Variants in TBC1D5 observed in about 807,000 individuals in gnomAD.
TBC1D5 encodes TBC1 domain family member 5.
A neutral mutation model predicts 100.3 loss-of-function variants in TBC1D5; 75 were observed. That is an observed-to-expected ratio of 0.75 (90% CI 0.62 to 0.91). The LOEUF (loss-of-function observed/expected upper bound fraction) is 0.91, where lower values mean the gene tolerates loss of function less well. TBC1D5 is among the 40% of genes least tolerant of loss of function. The pLI is 0.00. For missense variants in TBC1D5, 910 were observed against 942.4 expected (o/e 0.97, Z 0.45); for synonymous variants, 323 against 325.6 (o/e 0.99, Z 0.09).
At chr3:17,466,458 A>G (rs957426109) in intron 3 of TBC1D5, among the ~76,000 whole-genome samples, 3 of 152,238 alleles carry the variant, frequency 2.0e-5, no homozygotes, top group Non-Finnish European at 2.9e-5. Flanking sequence ...TAAGACAGCC[A>G]ATGTGTAAGA....
chr3:17,494,419 C>A (rs1040244069), intron 3 of TBC1D5, among the ~76,000 whole-genome samples: 1 of 152,242 alleles, frequency 6.6e-6, no homozygotes, highest in Non-Finnish European at 1.5e-5. Flanking sequence ...CTTAAAGCAA[C>A]AGTCTGGCTG....
At chr3:17,320,524 T>A (rs1464121654) in intron 13 of TBC1D5, among the ~76,000 whole-genome samples, 16 of 152,238 alleles carry the variant, frequency 1.1e-4, no homozygotes, top group Admixed American at 1.0e-3. Flanking sequence ...CTTTTCTCTC[T>A]TTGGCTACAG....
At chr3:17,246,334 G>A (rs2076734919) in intron 16 of TBC1D5, among the ~76,000 whole-genome samples, 1 of 152,158 alleles carries the variant, frequency 6.6e-6, no homozygotes, top group African/African-American at 2.4e-5. Context: ...ATTCAATAAT[G>A]TTGAAGTTAT....
intron 1 of TBC1D5, among the ~76,000 whole-genome samples, chr3:17,635,871 A>T (rs1432399095): frequency 6.6e-6 from 1 of 152,170 alleles, no homozygotes; most frequent in African/African-American, 2.4e-5. Flanking sequence ...AAATGGAACA[A>T]AAGCTGGGAG....
intron 15 of TBC1D5, among the ~76,000 whole-genome samples, chr3:17,286,100 T>C (rs979061726): frequency 6.6e-6 from 1 of 152,208 alleles, no homozygotes; most frequent in Non-Finnish European, 1.5e-5. Context: ...TGGTAATACA[T>C]GTACTGTATT....
At chr3:17,179,484 T>TG (rs1365173628) in intron 19 of TBC1D5, among the ~76,000 whole-genome samples, 1 of 152,182 alleles carries the variant, frequency 6.6e-6, no homozygotes, top group African/African-American at 2.4e-5. Flanking sequence ...TCAGTTACGA[T>TG]GGGTGCAATA....
At chr3:17,338,135 T>C (rs1231623715) in intron 13 of TBC1D5, among the ~76,000 whole-genome samples, 2 of 152,200 alleles carry the variant, frequency 1.3e-5, no homozygotes, top group African/African-American at 2.4e-5. Context: ...ACTGAAGCAA[T>C]AATTTGTTGT....
chr3:17,663,191 A>G (rs1322286329), intron 1 of TBC1D5: 1 of 152,192 alleles, frequency 6.6e-6, no homozygotes, highest in Non-Finnish European at 1.5e-5. Flanking sequence ...TTAAAACTTT[A>G]TTAGGTATTT....
intron 9 of TBC1D5, among the ~76,000 whole-genome samples, chr3:17,381,761 T>G (rs2092954335): frequency 6.6e-6 from 1 of 151,930 alleles, no homozygotes; most frequent in East Asian, 1.9e-4. Context: ...CCTTTCCTAG[T>G]CTGAGATTAC....
intron 14 of TBC1D5, among the ~76,000 whole-genome samples, chr3:17,294,312 T>C (rs984487410): frequency 6.6e-6 from 1 of 152,160 alleles, no homozygotes; most frequent in Non-Finnish European, 1.5e-5. Context: ...CTGAAACTCC[T>C]GGGCTCATGC....
At chr3:17,642,022 TTGAG>T (rs769008245) in intron 1 of TBC1D5, among the ~76,000 whole-genome samples, 1 of 152,184 alleles carries the variant, frequency 6.6e-6, no homozygotes, top group Non-Finnish European at 1.5e-5. Flanking sequence ...CTATTAATTA[TTGAG>T]TAAGACCTAA....
At chr3:17,565,771 T>G (rs2096589871) in intron 2 of TBC1D5, among the ~76,000 whole-genome samples, 2 of 152,056 alleles carry the variant, frequency 1.3e-5, no homozygotes, top group African/African-American at 2.4e-5. Context: ...ATGTTACATT[T>G]GAAAAACTTT....
chr3:17,703,987 C>A (rs1196528335), intron 1 of TBC1D5, among the ~76,000 whole-genome samples: 3 of 140,110 alleles, frequency 2.1e-5, no homozygotes, highest in African/African-American at 8.0e-5. Context: ...TTGGCAGGGT[C>A]ATGGGACAAT....
chr3:17,666,917 G>T (rs1288762324), intron 1 of TBC1D5, among the ~76,000 whole-genome samples: 1 of 151,864 alleles, frequency 6.6e-6, no homozygotes, highest in African/African-American at 2.4e-5. Context: ...TCGTGTTTTT[G>T]TGGAAGAACC....
intron 1 of TBC1D5, among the ~76,000 whole-genome samples, chr3:17,704,235 G>C (rs1370859798): frequency 7.3e-6 from 1 of 136,072 alleles, no homozygotes; most frequent in East Asian, 2.3e-4. Flanking sequence ...CACAGGGTTG[G>C]GGGTAAGGTC....
At chr3:17,389,965 T>C (rs541134605) in intron 8 of TBC1D5, among the ~76,000 whole-genome samples, 2 of 152,128 alleles carry the variant, frequency 1.3e-5, no homozygotes, top group East Asian at 3.9e-4. Context: ...AAATCCTTCA[T>C]CAATTTTTAG....
At chr3:17,210,233 G>A (rs758310710) in intron 18 of TBC1D5, among the ~76,000 whole-genome samples, 3 of 151,616 alleles carry the variant, frequency 2.0e-5, no homozygotes, top group African/African-American at 7.3e-5. Flanking sequence ...TGTCGCCCAG[G>A]CCTGAGTGCA....
chr3:17,389,201 G>T (rs576560569), intron 8 of TBC1D5, among the ~76,000 whole-genome samples: 1 of 151,864 alleles, frequency 6.6e-6, no homozygotes, highest in African/African-American at 2.4e-5. Flanking sequence ...CTTATTTAAC[G>T]ATTCTCCTGT....
chr3:17,738,237 G>C (rs957760123), intron 1 of TBC1D5, among the ~76,000 whole-genome samples: 2 of 152,146 alleles, frequency 1.3e-5, no homozygotes, highest in African/African-American at 4.8e-5. Flanking sequence ...TTGGCCCATA[G>C]AGCCTTATCC....
Sources: allele counts gnomAD v4.1 joint callset (sites outside exome capture counted in the v4.1 genomes callset), GRCh38; gene constraint gnomAD v4.1.1; transcripts MANE v1.5; gene names NCBI Gene and HGNC (gene_info 2026-07-23, HGNC 2026-07-21).